Variants in NLRC5 observed in about 807,000 individuals in gnomAD.
The protein encoded by NLRC5 is protein NLRC5.
Under a neutral mutation model 206.9 loss-of-function variants are expected in NLRC5, and 114 were observed. That is an observed-to-expected ratio of 0.55 (90% CI 0.47 to 0.64). NLRC5 has a LOEUF of 0.64. Among genes scored for constraint, NLRC5 ranks in the 30% least tolerant of loss-of-function variants. NLRC5 has a pLI of 0.00. For synonymous variants in NLRC5, 952 were observed against 962.8 expected, an observed-to-expected ratio of 0.99 and a Z score of 0.21; for missense variants, 2,008 against 2,305.5, an observed-to-expected ratio of 0.87 and a Z score of 2.64.
At position 57,037,547 on chromosome 16, in the gene NLRC5, A is replaced by G. The variant is rs141332872; in HGVS notation, c.2801+263A>G. Among the ~76,000 whole-genome samples the G allele has an allele frequency of 3.2e-3, 483 of 152,226 alleles. 2 individuals are homozygous for G. Among genetic ancestry groups the G allele is most frequent in the African/African-American group, 0.011 (473 of 41,532 alleles). ...TACAACCCCCACTTTCCCCTAACCT[A>G]GAGTGGCCAATGACAGAGGCAGAGG... On this transcript the variant is annotated intron_variant, in intron 15 of 48. Coordinates refer to ENST00000688547, the MANE Select transcript of NLRC5 (RefSeq NM_001384950.1).
At chr16:57,028,197 A>G in intron 7 of NLRC5, 42 bp downstream of exon 7, 1 of 1,581,152 alleles carries the variant, frequency 6.3e-7, no homozygotes, top group African/African-American at 1.3e-5. Context: ...TCAGCTGGGG[A>G]TGCCTGGTAC....
At chr16:57,047,857 G>T in intron 23 of NLRC5, 1 of 578,856 alleles carries the variant, frequency 1.7e-6, no homozygotes, top group Non-Finnish European at 3.1e-6. Flanking sequence ...GACTGGGGAA[G>T]CCTTCACCTG....
intron 30 of NLRC5, among the ~76,000 whole-genome samples, chr16:57,060,463 C>T (rs2066308757): frequency 6.6e-6 from 1 of 151,602 alleles, no homozygotes; most frequent in Non-Finnish European, 1.5e-5. Context: ...ACGCACACCA[C>T]ACAGCACACA....
At chr16:57,081,659 A>C in intron 48 of NLRC5, 49 bp downstream of exon 48, 1 of 1,509,930 alleles carries the variant, frequency 6.6e-7, no homozygotes, top group Non-Finnish European at 9.2e-7. Flanking sequence ...GGCTACACCA[A>C]CCCCCAGATC....
At chr16:57,022,915 T>A (rs1003912187) in intron 4 of NLRC5, among the ~76,000 whole-genome samples, 11 of 152,222 alleles carry the variant, frequency 7.2e-5, no homozygotes, top group Admixed American at 1.3e-4. Flanking sequence ...CCCCAGTGAA[T>A]CAAAACTGTC....
At chr16:57,002,560 C>A (rs2058385221) in intron 1 of NLRC5, among the ~76,000 whole-genome samples, 1 of 152,022 alleles carries the variant, frequency 6.6e-6, no homozygotes, top group South Asian at 2.1e-4. Flanking sequence ...CTCTTTGAGA[C>A]ACTGATTCCT....
chr16:57,070,465 C>T, intron 37 of NLRC5, 70 bp from the exon 38 acceptor site: 1 of 1,377,250 alleles, frequency 7.3e-7, no homozygotes, highest in Non-Finnish European at 1.0e-6. Context: ...GAGAGGGGAG[C>T]TGACAGGACA....
At chr16:57,020,621 C>T (rs1264325204) in intron 2 of NLRC5, 80 bp from the exon 3 acceptor site, 2 of 497,578 alleles carry the variant, frequency 4.0e-6, no homozygotes, top group Admixed American at 8.6e-5. Context: ...TCAACTCCCC[C>T]CAAGTTCCCC....
At position 57,026,703 on chromosome 16, in the gene NLRC5, G is replaced by A. The variant is rs772984274; in HGVS notation, c.1760G>A (p.Cys587Tyr). 1 of 1,614,062 alleles carries A rather than the reference G, an allele frequency of 6.2e-7. No individual in the cohort carries two copies. The highest frequency in any genetic ancestry group is 1.3e-5 in the African/African-American group (1 of 75,074). Residue 587 changes from cysteine to tyrosine, a missense_variant, in exon 6 of 49, where the codon TGT (cysteine) becomes TAT (tyrosine). By Grantham distance (194) the Cys-to-Tyr change is radical. Coordinates refer to ENST00000688547, the MANE Select transcript of NLRC5 (RefSeq NM_001384950.1). Reference protein sequence around the residue: ...LSHLAQGNEDCVGAKQAAVVQ... With the variant: ...LSHLAQGNEDYVGAKQAAVVQ... ...CACCTGGCGCAGGGCAATGAGGACTGTGTGGGTGCCAAGCAGGCTGCTGTA... is the reference window on the plus strand; with the variant it reads ...CACCTGGCGCAGGGCAATGAGGACTATGTGGGTGCCAAGCAGGCTGCTGTA...
rs1173897742 is a variant in NLRC5 at position 57,083,314 on chromosome 16, A to G, written c.*786A>G. On this transcript the variant is annotated 3_prime_UTR_variant, in exon 49 of 49. Transcript: ENST00000688547. ...AAGCCCAGTCTGTCCTATGTAAGGG[A>G]CAAAGCCAGGTCTAATGGTACTGGG... 2 of 152,260 alleles carry G rather than the reference A, an allele frequency of 1.3e-5. No individual in the cohort carries two copies. The highest frequency in any genetic ancestry group is 2.4e-5 in the African/African-American group (1 of 41,444). 9.4% of individuals were successfully genotyped at this position (152,260 alleles called of 1,614,324 possible).
chr16:57,051,920 C>A (rs148897666), intron 24 of NLRC5, among the ~76,000 whole-genome samples: 165 of 152,240 alleles, frequency 1.1e-3, no homozygotes, highest in African/African-American at 3.7e-3. Flanking sequence ...CCGCCCATTC[C>A]CCCAGAGTTG....
chr16:57,069,997 G>A, intron 37 of NLRC5, 78 bp downstream of exon 37: 1 of 1,214,336 alleles, frequency 8.2e-7, no homozygotes, highest in Non-Finnish European at 1.2e-6. Context: ...AGGGCGTTTG[G>A]GAGGGCAGGC....
intron 38 of NLRC5, among the ~76,000 whole-genome samples, chr16:57,073,686 C>G (rs940484418): frequency 2.0e-5 from 3 of 152,192 alleles, no homozygotes; most frequent in African/African-American, 7.2e-5. Flanking sequence ...CTCCGCCTCC[C>G]GGGTTCAAGC....
At chr16:57,074,362 G>T (rs529462445) in intron 38 of NLRC5, 225 of 430,150 alleles carry the variant, frequency 5.2e-4, no homozygotes, top group African/African-American at 4.0e-3. Flanking sequence ...CGGATCATTA[G>T]TCTTGGTCCA....
intron 15 of NLRC5, among the ~76,000 whole-genome samples, chr16:57,037,487 C>A (rs1379901941): frequency 6.6e-6 from 1 of 152,104 alleles, no homozygotes; most frequent in African/African-American, 2.4e-5. Context: ...GGAGAACTAC[C>A]CTTGGCTGAT....
Position 57,082,674 on chromosome 16 carries a change from T to C in NLRC5, c.*146T>C. ...AGGAGGAAGGATACGTGTGTCCTGC[T>C]GCAGTCCTCAGGGAGAACTTTTTTG... On this transcript the variant is annotated 3_prime_UTR_variant, in exon 49 of 49. Coordinates refer to ENST00000688547, the MANE Select transcript of NLRC5 (RefSeq NM_001384950.1). 6.6e-6 allele frequency: 4 copies of C among 607,778 alleles called. No homozygotes were observed. The East Asian group carries it at 1.1e-4, about 17-fold the overall frequency. The allele number at this position is 607,778 out of a possible 1,614,324, so 37.6% of individuals were successfully genotyped here.
chr16:57,041,025 G>C (rs2063215332), intron 17 of NLRC5, among the ~76,000 whole-genome samples: 1 of 152,106 alleles, frequency 6.6e-6, no homozygotes, highest in Admixed American at 6.5e-5. Context: ...GGGGAGCACT[G>C]GGCTCCTTCT....
intron 45 of NLRC5, 82 bp downstream of exon 45, chr16:57,079,374 A>G (rs1478610868): frequency 2.0e-6 from 3 of 1,497,960 alleles, no homozygotes; most frequent in Middle Eastern, 1.7e-4. Flanking sequence ...ACACCTGGGG[A>G]GGCCTTTGAA....
Position 57,055,484 on chromosome 16 carries a change from G to T in NLRC5, c.3711G>T (p.Trp1237Cys). ...AGGAGCACGTAGAGTCACTCTGCTG[G>T]TTGCTGAGCAAGTGTAAAGACCTCA... ...LSQEHVESLCWLLSKCKDLSQ... is the reference protein window; with the variant it reads ...LSQEHVESLCCLLSKCKDLSQ... The change falls in exon 27 of 49, where the codon TGG (tryptophan) becomes TGT (cysteine). Residue 1237 changes from tryptophan (W) to cysteine (C), a missense_variant. Coordinates refer to ENST00000688547, the MANE Select transcript of NLRC5 (RefSeq NM_001384950.1). 5 of 1,613,886 alleles carry T rather than the reference G, an allele frequency of 3.1e-6. No individual in the cohort carries two copies. Among genetic ancestry groups the T allele is most frequent in the Non-Finnish European group, 4.2e-6 (5 of 1,179,884 alleles).
Sources: allele counts gnomAD v4.1 joint callset (sites outside exome capture counted in the v4.1 genomes callset), GRCh38; gene constraint gnomAD v4.1.1; transcripts MANE v1.5; gene names NCBI Gene and HGNC (gene_info 2026-07-23, HGNC 2026-07-21).